Variants in SGCZ observed in about 807,000 individuals in gnomAD.
SGCZ encodes zeta-sarcoglycan.
A neutral mutation model predicts 41.3 loss-of-function variants in SGCZ; 40 were observed. The observed-to-expected ratio is 0.97, with a 90% CI of 0.75 to 1.26. The LOEUF is 1.26. Among genes scored for constraint, SGCZ ranks in the 50% most tolerant of loss-of-function variants. SGCZ has a pLI of 0.00. For missense variants in SGCZ, 552 were observed against 369.8 expected, an observed-to-expected ratio of 1.49 and a Z score of -4.04; for synonymous variants, 206 against 137.5, an observed-to-expected ratio of 1.50 and a Z score of -3.49.
At chr8:14,227,730 G>C (rs748529193) in intron 4 of SGCZ, among the ~76,000 whole-genome samples, 10 of 152,022 alleles carry the variant, frequency 6.6e-5, no homozygotes, top group Non-Finnish European at 1.2e-4. Context: ...CTTGGAAACA[G>C]AAGAATAGCT....
chr8:14,556,181 G>A (rs575291310), intron 1 of SGCZ, among the ~76,000 whole-genome samples: 1 of 151,638 alleles, frequency 6.6e-6, no homozygotes, highest in Non-Finnish European at 1.5e-5. Context: ...ATTACCAGAA[G>A]GATGGAAACT....
At chr8:14,998,580 T>G (rs1012403170) in intron 1 of SGCZ, among the ~76,000 whole-genome samples, 2 of 152,212 alleles carry the variant, frequency 1.3e-5, no homozygotes, top group Non-Finnish European at 2.9e-5. Flanking sequence ...CATCTTGACT[T>G]CTGCCATAGT....
At chr8:14,113,707 T>G (rs899232754) in intron 5 of SGCZ, among the ~76,000 whole-genome samples, 5 of 152,080 alleles carry the variant, frequency 3.3e-5, no homozygotes, top group Non-Finnish European at 7.4e-5. Context: ...TCATGATTCC[T>G]CCATACTGGT....
chr8:15,024,935 C>CAAATAAATAAATAAATAAAT (rs71209100), intron 1 of SGCZ, among the ~76,000 whole-genome samples: 30 of 142,652 alleles, frequency 2.1e-4, no homozygotes, highest in Non-Finnish European at 3.7e-4. Flanking sequence ...GACTCCGTCT[C>CAAATAAATAAATAAATAAAT]AAATAAATAA....
At chr8:14,934,273 A>T (rs752727037) in intron 1 of SGCZ, among the ~76,000 whole-genome samples, 1 of 152,034 alleles carries the variant, frequency 6.6e-6, no homozygotes, top group Admixed American at 6.5e-5. Context: ...TAAAATCTGC[A>T]GAAATGTTAA....
At chr8:14,385,438 T>C (rs1413900499) in intron 2 of SGCZ, among the ~76,000 whole-genome samples, 2 of 152,186 alleles carry the variant, frequency 1.3e-5, no homozygotes, top group Non-Finnish European at 2.9e-5. Context: ...AAGTATATTA[T>C]AATGATGCCC....
At chr8:14,350,406 T>C (rs2117102570) in intron 2 of SGCZ, among the ~76,000 whole-genome samples, 1 of 152,262 alleles carries the variant, frequency 6.6e-6, no homozygotes, top group South Asian at 2.1e-4. Flanking sequence ...TTGTATTGAA[T>C]ACTATGGTAT....
At chr8:14,948,731 A>T (rs1362002363) in intron 1 of SGCZ, among the ~76,000 whole-genome samples, 1 of 152,124 alleles carries the variant, frequency 6.6e-6, no homozygotes, top group Non-Finnish European at 1.5e-5. Context: ...CACAAGACTA[A>T]GCCTTCTATC....
intron 1 of SGCZ, among the ~76,000 whole-genome samples, chr8:14,930,092 C>T (rs73201297): frequency 0.04 from 6,124 of 151,914 alleles, 189 homozygotes; most frequent in South Asian, 0.073. Flanking sequence ...GAATGACTTA[C>T]GAATCATATG....
intron 2 of SGCZ, among the ~76,000 whole-genome samples, chr8:14,407,078 T>C (rs1799231836): frequency 6.9e-6 from 1 of 145,384 alleles, no homozygotes; most frequent in Non-Finnish European, 1.5e-5. Context: ...TTTTTTTTTT[T>C]TTTTTTTTTG....
intron 2 of SGCZ, among the ~76,000 whole-genome samples, chr8:14,434,534 T>C (rs10092714): frequency 0.098 from 14,962 of 152,174 alleles, 2,184 homozygotes; most frequent in African/African-American, 0.32. Flanking sequence ...GGCAATTGCA[T>C]TGAATCTGTA....
chr8:15,065,604 C>T (rs944550354), intron 1 of SGCZ, among the ~76,000 whole-genome samples: 5 of 151,698 alleles, frequency 3.3e-5, no homozygotes, highest in African/African-American at 7.3e-5. Context: ...ACCCAGCTAA[C>T]GTTTTTGTAT....
At chr8:14,394,219 C>T (rs888970999) in intron 2 of SGCZ, among the ~76,000 whole-genome samples, 2 of 143,668 alleles carry the variant, frequency 1.4e-5, no homozygotes, top group East Asian at 2.2e-4. Flanking sequence ...GGCATGATCT[C>T]GGCTCACTGC....
intron 1 of SGCZ, among the ~76,000 whole-genome samples, chr8:15,174,660 T>G (rs1196644956): frequency 6.6e-6 from 1 of 152,172 alleles, no homozygotes; most frequent in Non-Finnish European, 1.5e-5. Flanking sequence ...TTCCCTAACA[T>G]TAATAGTGTA....
At chr8:14,826,261 A>T (rs1332848047) in intron 1 of SGCZ, among the ~76,000 whole-genome samples, 2 of 151,584 alleles carry the variant, frequency 1.3e-5, no homozygotes, top group Admixed American at 1.3e-4. Flanking sequence ...AAGGATATGA[A>T]CTCTTCATTT....
At chr8:14,720,967 A>C (rs2130183235) in intron 1 of SGCZ, among the ~76,000 whole-genome samples, 1 of 152,132 alleles carries the variant, frequency 6.6e-6, no homozygotes, top group Non-Finnish European at 1.5e-5. Flanking sequence ...CTAAAGGCAA[A>C]GGCCAATAAG....
intron 1 of SGCZ, among the ~76,000 whole-genome samples, chr8:14,817,534 T>C (rs577301641): frequency 5.3e-5 from 8 of 152,220 alleles, no homozygotes; most frequent in Non-Finnish European, 1.0e-4. Flanking sequence ...GCCCTAGGGA[T>C]CAGTTTCAAC....
intron 2 of SGCZ, among the ~76,000 whole-genome samples, chr8:14,499,179 G>A (rs997972315): frequency 2.0e-5 from 3 of 151,760 alleles, no homozygotes; most frequent in Admixed American, 6.6e-5. Context: ...TATAGCCATG[G>A]ATTCTTTATT....
At chr8:14,362,071 G>A (rs952607954) in intron 2 of SGCZ, among the ~76,000 whole-genome samples, 4 of 152,118 alleles carry the variant, frequency 2.6e-5, no homozygotes, top group Non-Finnish European at 5.9e-5. Flanking sequence ...ATCTCAGAGG[G>A]GCACCTGCCT....
Sources: gnomAD v4.1 joint callset for allele counts (sites outside exome capture counted in the v4.1 genomes callset) on GRCh38, gnomAD v4.1.1 for gene constraint, MANE v1.5 for transcripts, NCBI Gene and HGNC (gene_info 2026-07-23, HGNC 2026-07-21) for gene names.